The following GNG7 variants were observed in gnomAD, a reference collection of about 807,000 sequenced individuals.
GNG7 encodes the protein guanine nucleotide-binding protein G(I)/G(S)/G(O) subunit gamma-7.
In GNG7, 1 loss-of-function variant was observed where a neutral mutation model predicts 4.0. The ratio of observed to expected loss-of-function variants is 0.25; its 90% confidence interval spans 0.09 to 1.18. The LOEUF is 1.18. GNG7 is among the 50% of genes most tolerant of loss of function. The pLI is 0.50. For synonymous variants in GNG7, 34 were observed against 36.9 expected (o/e 0.92, Z 0.29); for missense variants, 86 against 91.9 (o/e 0.94, Z 0.26).
At chr19:2,676,777 C>T (rs1437871123) in intron 1 of GNG7, among the ~76,000 whole-genome samples, 1 of 147,848 alleles carries the variant, frequency 6.8e-6, no homozygotes, top group Non-Finnish European at 1.5e-5. Context: ...CAGGAGCTTG[C>T]ACCACTTCCT....
In GNG7 at chr19:2,513,191, T is replaced by C; in HGVS notation, c.*1831A>G. 1.1e-6 allele frequency: 1 copy of C among 941,612 alleles called. No homozygotes were observed. Among genetic ancestry groups the C allele is most frequent in the Non-Finnish European group, 1.3e-6 (1 of 790,098 alleles). 58.3% of individuals were successfully genotyped at this position (941,612 alleles called of 1,614,324 possible). A position where few individuals can be genotyped will look rare whatever the true frequency, so the allele number is the denominator to read the frequency against. Reference sequence around the variant, plus strand: ...GGTGGGAACCCTGGCAGTCACCAGCTCAGGAAGTGAGCCAAGCAGGGATCC... The same window carrying C: ...GGTGGGAACCCTGGCAGTCACCAGCCCAGGAAGTGAGCCAAGCAGGGATCC... On this transcript the variant is annotated 3_prime_UTR_variant, in exon 5 of 5. Transcript: ENST00000382159.
chr19:2,580,085 C>G (rs1040475189), intron 2 of GNG7, among the ~76,000 whole-genome samples: 1 of 152,134 alleles, frequency 6.6e-6, no homozygotes, highest in African/African-American at 2.4e-5. Flanking sequence ...TCAATAAACA[C>G]TGGAGCAACT....
intron 2 of GNG7, among the ~76,000 whole-genome samples, chr19:2,607,858 G>A (rs999548318): frequency 6.6e-6 from 1 of 152,014 alleles, no homozygotes; most frequent in Non-Finnish European, 1.5e-5. Context: ...GACACGGCAC[G>A]GAGGCTTTCT....
chr19:2,590,797 C>G (rs148728724), intron 2 of GNG7, among the ~76,000 whole-genome samples: 1 of 150,292 alleles, frequency 6.7e-6, no homozygotes, highest in East Asian at 2.0e-4. Flanking sequence ...ACCCAACCAA[C>G]CATCCACCCA....
intron 2 of GNG7, among the ~76,000 whole-genome samples, chr19:2,568,455 CAT>C (rs146588458): frequency 0.38 from 47,952 of 127,624 alleles, 8,067 homozygotes; most frequent in South Asian, 0.48. Context: ...CATACATATA[CAT>C]ACACACACAC....
intron 2 of GNG7, among the ~76,000 whole-genome samples, chr19:2,569,035 GCACAAACA>G (rs1980061121): frequency 6.9e-6 from 1 of 145,756 alleles, no homozygotes; most frequent in Admixed American, 6.9e-5. Flanking sequence ...ATACACAAAA[GCACAAACA>G]TATACACAGA....
At chr19:2,576,963 C>G (rs1040948243) in intron 2 of GNG7, among the ~76,000 whole-genome samples, 1 of 152,258 alleles carries the variant, frequency 6.6e-6, no homozygotes, top group Non-Finnish European at 1.5e-5. Context: ...GGATTACAGG[C>G]GTGGGCCTCT....
rs985506315 is a variant in GNG7, at chr19:2,587,344, C to T, written c.-77-32156G>A. 2.0e-5 allele frequency among the ~76,000 whole-genome samples: 3 copies of T among 152,172 alleles called. No homozygotes were observed. In the South Asian group the frequency reaches 6.2e-4, roughly 31 times the overall value. On this transcript the variant is annotated intron_variant, in intron 2 of 4. Transcript: ENST00000382159. ...TGCGTACCCTGCGTTGCTTCCTCTG[C>T]CGGGGAAGCTCACCCACGTTCTCAG...
intron 2 of GNG7, among the ~76,000 whole-genome samples, chr19:2,583,318 T>C (rs1056261024): frequency 1.3e-5 from 2 of 152,236 alleles, no homozygotes; most frequent in Non-Finnish European, 2.9e-5. Context: ...GTTACTTTTG[T>C]AAACATAAAG....
chr19:2,606,254 C>G (rs973701845), intron 2 of GNG7, among the ~76,000 whole-genome samples: 1 of 152,068 alleles, frequency 6.6e-6, no homozygotes, highest in Non-Finnish European at 1.5e-5. Flanking sequence ...TGGTGTGCAC[C>G]TGTAGTCCTT....
chr19:2,657,399 T>TATATATATATATATACACAC (rs1332253018), intron 1 of GNG7, among the ~76,000 whole-genome samples: 6 of 80,726 alleles, frequency 7.4e-5, no homozygotes, highest in Non-Finnish European at 1.2e-4. Context: ...TATATATATA[T>TATATATATATATATACACAC]ACACATAATA....
At chr19:2,693,879 C>G (rs564258225) in intron 1 of GNG7, among the ~76,000 whole-genome samples, 11 of 152,234 alleles carry the variant, frequency 7.2e-5, no homozygotes, top group Admixed American at 5.2e-4. Context: ...CCCCAAGTCT[C>G]TAATCAAATG....
chr19:2,569,898 G>A (rs968219225), intron 2 of GNG7, among the ~76,000 whole-genome samples: 7 of 152,204 alleles, frequency 4.6e-5, no homozygotes, highest in East Asian at 1.9e-4. Context: ...GAACAACTGC[G>A]ACAAAAATAG....
intron 1 of GNG7, among the ~76,000 whole-genome samples, chr19:2,654,085 C>A (rs942791563): frequency 2.6e-5 from 4 of 151,304 alleles, no homozygotes; most frequent in African/African-American, 9.7e-5. Flanking sequence ...TGCATATGCA[C>A]GAGGGGGTGA....
chr19:2,531,422 C>T (rs888210602), intron 3 of GNG7, among the ~76,000 whole-genome samples: 3 of 151,500 alleles, frequency 2.0e-5, no homozygotes, highest in Non-Finnish European at 2.9e-5. Flanking sequence ...TAAGGTGATG[C>T]GAGATTGCTG....
Position 2,653,582 on chromosome 19 carries a change from C to T in GNG7, c.-134-7302G>A, listed in dbSNP as rs1402328971. ...TTCCAGATGAATGTAGGGTCTCCCC[C>T]TCGGCACTGTGGGCATTGGGGCCGG... is the stretch of plus-strand genomic sequence containing the variant. On this transcript the variant is annotated intron_variant, in intron 1 of 4. Coordinates refer to ENST00000382159, the MANE Select transcript of GNG7 (RefSeq NM_052847.3). The surrounding 1 kb of genome is among the most constrained non-coding windows in gnomAD (Gnocchi z 4.8). Among the ~76,000 whole-genome samples the T allele has an allele frequency of 1.3e-5, 2 of 152,188 alleles. No individual in the cohort carries two copies. The highest frequency in any genetic ancestry group is 4.8e-5 in the African/African-American group (2 of 41,444).
intron 1 of GNG7, among the ~76,000 whole-genome samples, chr19:2,675,224 G>T (rs186937107): frequency 2.3e-4 from 35 of 152,258 alleles, no homozygotes; most frequent in Non-Finnish European, 4.0e-4. Flanking sequence ...AATTCCTGTC[G>T]TGCCCCTGAA....
intron 1 of GNG7, among the ~76,000 whole-genome samples, chr19:2,695,302 C>T (rs1054157000): frequency 2.0e-5 from 3 of 152,036 alleles, no homozygotes; most frequent in Non-Finnish European, 4.4e-5. Flanking sequence ...TGGACGACTT[C>T]TTATCACCCC....
At chr19:2,520,794 G>A (rs1241110143) in intron 3 of GNG7, 69 bp from the exon 4 acceptor site, 6 of 683,056 alleles carry the variant, frequency 8.8e-6, no homozygotes, top group African/African-American at 7.1e-5. Context: ...AGGGGCGCCC[G>A]GCCTTGGCTC....
Sources: allele counts gnomAD v4.1 joint callset (sites outside exome capture counted in the v4.1 genomes callset), GRCh38; gene constraint gnomAD v4.1.1; non-coding constraint Gnocchi (gnomAD v3.1); transcripts MANE v1.5; gene names NCBI Gene and HGNC (gene_info 2026-07-23, HGNC 2026-07-21).